ZC3HAV1: variants seen among roughly 807,000 people sequenced by gnomAD.
The protein encoded by ZC3HAV1 is zinc finger CCCH-type antiviral protein 1.
A neutral mutation model predicts 86.6 loss-of-function variants in ZC3HAV1; 41 were observed. The ratio of observed to expected loss-of-function variants is 0.47; its 90% CI spans 0.37 to 0.61. The LOEUF (loss-of-function observed/expected upper bound fraction) is 0.61. ZC3HAV1 is among the 20% of genes least tolerant of loss of function. ZC3HAV1 has a pLI of 0.00. For synonymous variants in ZC3HAV1, 421 were observed against 432.1 expected (o/e 0.97, Z 0.32); for missense variants, 964 against 1,141.1 (o/e 0.84, Z 2.24).
At chr7:139,057,923 C>T (rs562622401) in intron 9 of ZC3HAV1, among the ~76,000 whole-genome samples, 1 of 152,238 alleles carries the variant, frequency 6.6e-6, no homozygotes, top group East Asian at 1.9e-4. Context: ...GAAAGATTGG[C>T]CCCAGTTTAT....
chr7:139,084,182 A>G (rs1252987364), intron 2 of ZC3HAV1, 150 bp from the exon 3 acceptor site: 6 of 1,100,562 alleles, frequency 5.5e-6, no homozygotes, highest in Non-Finnish European at 6.4e-6. Context: ...GCAGTCTTTG[A>G]TGAGTCACAT....
Position 139,079,749 on chromosome 7 carries a change from T to C in ZC3HAV1, c.1192A>G (p.Thr398Ala). ...AGCAAGCCTGTGCCCTTTCTGGTGG[T>C]CACAGCTTCAGGTGTTTGCAGAGAG... is the stretch of plus-strand genomic sequence containing the variant. ...LGSLQTPEAV[T>A]TRKGTGLLSS... Residue 398 changes from threonine to alanine, a missense_variant, in exon 4 of 13, where the codon ACC (threonine) becomes GCC (alanine). Physicochemically the swap from Thr to Ala is moderately conservative, Grantham distance 58. Transcript: ENST00000242351. 1.2e-6 allele frequency: 2 copies of C among 1,614,172 alleles called. No homozygotes were observed.
At chr7:139,094,497 TAAA>T (rs34388465) in intron 1 of ZC3HAV1, among the ~76,000 whole-genome samples, 1 of 129,508 alleles carries the variant, frequency 7.7e-6, no homozygotes, top group Non-Finnish European at 1.7e-5. Flanking sequence ...GGTGATAACT[TAAA>T]AAAAAAAAAA....
chr7:139,077,761 T>C (rs1816995823), intron 5 of ZC3HAV1, among the ~76,000 whole-genome samples: 1 of 152,252 alleles, frequency 6.6e-6, no homozygotes, highest in African/African-American at 2.4e-5. Flanking sequence ...CCTTATATTA[T>C]GTTTAAATTG....
chr7:139,056,896 G>A (rs10269987), intron 9 of ZC3HAV1, among the ~76,000 whole-genome samples: 94,590 of 152,068 alleles, frequency 0.62, 29,617 homozygotes, highest in East Asian at 0.7. Flanking sequence ...CGTGAACTGG[G>A]TATTAGATGA....
At chr7:139,068,292 T>C (rs1037435608) in intron 7 of ZC3HAV1, among the ~76,000 whole-genome samples, 4 of 152,210 alleles carry the variant, frequency 2.6e-5, no homozygotes, top group East Asian at 1.9e-4. Context: ...ATTTCTGACC[T>C]CAAGTGATCT....
chr7:139,047,805 T>C lies in ZC3HAV1; in HGVS notation c.2498A>G (p.Tyr833Cys). The C allele has an allele frequency of 6.2e-7, 1 of 1,613,946 alleles. No homozygotes were observed. Among genetic ancestry groups the C allele is most frequent in the Non-Finnish European group, 8.5e-7 (1 of 1,179,984 alleles). ...DAIYSHKNCP[Y>C]DAKNVVMFVA... ...AAACATAACGACGTTTTTGGCATCA[T>C]ACGGGCAATTTTTGTGGGAATAGAT... is the stretch of plus-strand genomic sequence containing the variant. Residue 833 changes from tyrosine to cysteine, a missense_variant, in exon 13 of 13, where the codon TAT becomes TGT. Coordinates refer to ENST00000242351, the MANE Select transcript of ZC3HAV1 (RefSeq NM_020119.4).
At chr7:139,075,453 G>A (rs1381599798) in intron 6 of ZC3HAV1, among the ~76,000 whole-genome samples, 1 of 152,130 alleles carries the variant, frequency 6.6e-6, no homozygotes, top group Non-Finnish European at 1.5e-5. Flanking sequence ...TTATTTTTGA[G>A]ACAGGGTCTC....
rs1563145496 is a variant in ZC3HAV1, at chr7:139,109,410, C to G, written c.-79G>C. 7.0e-7 allele frequency: 1 copy of G among 1,436,912 alleles called. No individual in the cohort carries two copies. Among genetic ancestry groups the G allele is most frequent in the South Asian group, 1.5e-5 (1 of 68,166 alleles). The allele number at this position is 1,436,912 out of a possible 1,614,324, so 89.0% of individuals were successfully genotyped here. Reference sequence around the variant, plus strand: ...TCGGAAATCGAAACTTACAAGTGTCCAGGGGCGGGCGCGGGCGGTGCTACT... The same window carrying G: ...TCGGAAATCGAAACTTACAAGTGTCGAGGGGCGGGCGCGGGCGGTGCTACT... On this transcript the variant is annotated 5_prime_UTR_variant, in exon 1 of 13. Coordinates refer to ENST00000242351, the MANE Select transcript of ZC3HAV1 (RefSeq NM_020119.4).
At chr7:139,065,779 C>T (rs933918111) in intron 7 of ZC3HAV1, among the ~76,000 whole-genome samples, 1 of 152,080 alleles carries the variant, frequency 6.6e-6, no homozygotes, top group African/African-American at 2.4e-5. Context: ...TGGCATGCAC[C>T]TGTAGTCCCA....
chr7:139,087,266 C>T (rs6959738), intron 2 of ZC3HAV1, among the ~76,000 whole-genome samples: 9,760 of 152,134 alleles, frequency 0.064, 340 homozygotes, highest in African/African-American at 0.08. Context: ...GCATTTTTCC[C>T]GTGCTGGTAG....
intron 7 of ZC3HAV1, among the ~76,000 whole-genome samples, chr7:139,072,791 G>A (rs939803806): frequency 2.0e-5 from 3 of 152,140 alleles, no homozygotes; most frequent in Non-Finnish European, 2.9e-5. Flanking sequence ...CTGCTTGAGT[G>A]AATTAACACA....
At chr7:139,052,770 C>CAAA (rs1554439624) in intron 12 of ZC3HAV1, among the ~76,000 whole-genome samples, 1 of 150,010 alleles carries the variant, frequency 6.7e-6, no homozygotes, top group Non-Finnish European at 1.5e-5. Flanking sequence ...AAAAATACAA[C>CAAA]AAAAAAAAAT....
rs1345765798 is a variant in ZC3HAV1, at chr7:139,079,784, G to A, written c.1157C>T (p.Ser386Phe). 1 of 1,614,194 alleles carries A rather than the reference G, an allele frequency of 6.2e-7. No individual in the cohort carries two copies. Among genetic ancestry groups the A allele is most frequent in the Non-Finnish European group, 8.5e-7 (1 of 1,180,044 alleles). The change falls in exon 4 of 13, where the codon TCT becomes TTT. Residue 386 changes from serine (S) to phenylalanine (F), a missense_variant. Physicochemically the swap from Ser to Phe is radical, Grantham distance 155. Transcript: ENST00000242351. ...VFSPTLPAARSSLGSLQTPEA... is the reference protein window; with the variant it reads ...VFSPTLPAARFSLGSLQTPEA... ...AGGTGTTTGCAGAGAGCCAAGAGAA[G>A]AGCGGGCGGCAGGTAGCGTGGGAGA...
intron 1 of ZC3HAV1, among the ~76,000 whole-genome samples, chr7:139,091,112 C>A (rs918492837): frequency 2.6e-5 from 4 of 152,166 alleles, no homozygotes; most frequent in Non-Finnish European, 5.9e-5. Context: ...TCCCCGCCAG[C>A]CCCCACCCAG....
Position 139,089,606 on chromosome 7 carries a change from T to C in ZC3HAV1, c.444+18A>G. On this transcript the variant is annotated intron_variant, in intron 2 of 12. Coordinates refer to ENST00000242351, the MANE Select transcript of ZC3HAV1 (RefSeq NM_020119.4). ...CCAGTAATATTCTCCCTCCTTAAAC[T>C]GAGGAATCACAACTTACCTCGGGCA... 1.9e-6 allele frequency: 3 copies of C among 1,595,392 alleles called. No individual in the cohort carries two copies. Among genetic ancestry groups the C allele is most frequent in the Non-Finnish European group, 2.6e-6 (3 of 1,173,450 alleles).
At position 139,109,183 on chromosome 7, in the gene ZC3HAV1, A is replaced by G; in HGVS notation, c.149T>C (p.Val50Ala). ...GGCCTCGCCGCCGGTCTCCAACACC[A>G]CAAAGCGGTCGGGCCCGGCCACCTG... ...VLQVAGPDRF[V>A]VLETGGEAGI... Residue 50 changes from valine (V) to alanine (A), a missense_variant, in exon 1 of 13, where the codon GTG becomes GCG. Physicochemically the swap from Val to Ala is moderately conservative, Grantham distance 64 (BLOSUM62 0). Coordinates refer to ENST00000242351, the MANE Select transcript of ZC3HAV1 (RefSeq NM_020119.4). 1 of 1,604,716 alleles carries G rather than the reference A, an allele frequency of 6.2e-7. No homozygotes were observed. The highest frequency in any genetic ancestry group is 8.5e-7 in the Non-Finnish European group (1 of 1,175,908).
At chr7:139,062,944 G>A (rs972780389) in intron 8 of ZC3HAV1, among the ~76,000 whole-genome samples, 2 of 144,268 alleles carry the variant, frequency 1.4e-5, no homozygotes, top group Admixed American at 1.5e-4. Context: ...CAAGATAATT[G>A]CTTGAACCTG....
chr7:139,060,363 T>G lies in ZC3HAV1; in HGVS notation c.2096+673A>C, dbSNP rs538902210. On this transcript the variant is annotated intron_variant, in intron 9 of 12. Transcript: ENST00000242351. Reference sequence around the variant, plus strand: ...TGTTCATGAACAATGTAGAGTTTACTGAGCAGTTCACAAGGAGAGTTACAA... The same window carrying G: ...TGTTCATGAACAATGTAGAGTTTACGGAGCAGTTCACAAGGAGAGTTACAA... The G allele has an allele frequency of 2.5e-5, 25 of 986,050 alleles. No individual in the cohort carries two copies. In the East Asian group the frequency reaches 1.9e-3, roughly 76 times the overall value. The allele number at this position is 986,050 out of a possible 1,614,324, so 61.1% of individuals were successfully genotyped here.
Sources: allele counts gnomAD v4.1 joint callset (sites outside exome capture counted in the v4.1 genomes callset), GRCh38; gene constraint gnomAD v4.1.1; transcripts MANE v1.5; gene names NCBI Gene and HGNC (gene_info 2026-07-23, HGNC 2026-07-21).